The following MAP4K3 variants were observed in gnomAD, a reference collection of about 807,000 sequenced individuals.
The protein encoded by MAP4K3 is mitogen-activated protein kinase kinase kinase kinase 3.
In MAP4K3, 94 loss-of-function variants were observed where a neutral mutation model predicts 143.5. The ratio of observed to expected loss-of-function variants is 0.65; its 90% CI spans 0.55 to 0.78. MAP4K3 has a LOEUF of 0.78. Among genes scored for constraint, MAP4K3 ranks in the 30% least tolerant of loss-of-function variants. The probability of loss-of-function intolerance (pLI) is 0.00; values close to 1 mark genes in which losing one functional copy is unlikely to be tolerated. For missense variants in MAP4K3, 1,077 were observed against 1,068.1 expected (o/e 1.01, Z -0.12); for synonymous variants, 416 against 347.2 (o/e 1.20, Z -2.20).
chr2:39,280,142 TA>T (rs975249120), intron 23 of MAP4K3, 129 bp downstream of exon 23: 2,479 of 481,646 alleles, frequency 5.1e-3, no homozygotes, highest in South Asian at 7.4e-3. Flanking sequence ...TACCTTAAAA[TA>T]AAAAAAAAAT....
rs199936014 is a variant in MAP4K3 at position 39,434,816 on chromosome 2, A to C, written c.96+2076T>G. On this transcript the variant is annotated intron_variant, in intron 1 of 33. Coordinates refer to ENST00000263881, the MANE Select transcript of MAP4K3 (RefSeq NM_003618.4). ...GGTTGCTGTTAGGATTAATTAGAAA[A>C]ATCTTATAGTGCCTGGCAAGTAACA... Among the ~76,000 whole-genome samples the C allele has an allele frequency of 1.1e-4, 16 of 152,368 alleles. 1 individual carries two copies. The East Asian group carries it at 3.1e-3, about 29-fold the overall frequency.
intron 24 of MAP4K3, among the ~76,000 whole-genome samples, chr2:39,275,843 C>A (rs1013454245): frequency 1.3e-5 from 2 of 151,990 alleles, no homozygotes; most frequent in Non-Finnish European, 2.9e-5. Flanking sequence ...ATATATTTTT[C>A]TTTCCATTTT....
chr2:39,267,109 A>G, intron 27 of MAP4K3, 80 bp downstream of exon 27: 1 of 1,307,962 alleles, frequency 7.6e-7, no homozygotes, highest in Non-Finnish European at 1.1e-6. Flanking sequence ...TGCTGGCAGA[A>G]TGCCCTGGGG....
intron 8 of MAP4K3, among the ~76,000 whole-genome samples, chr2:39,330,673 G>T (rs79957511): frequency 0.033 from 4,996 of 152,014 alleles, 117 homozygotes; most frequent in South Asian, 0.055. Context: ...ACAACAACCC[G>T]ACAAAAATCA....
chr2:39,329,345 A>G (rs2148519104), intron 8 of MAP4K3, among the ~76,000 whole-genome samples: 1 of 152,352 alleles, frequency 6.6e-6, no homozygotes, highest in South Asian at 2.1e-4. Flanking sequence ...ATATACACAT[A>G]CCATCTTTGA....
At chr2:39,287,216 T>TA (rs753868893) in intron 20 of MAP4K3, among the ~76,000 whole-genome samples, 3 of 152,142 alleles carry the variant, frequency 2.0e-5, no homozygotes, top group African/African-American at 7.2e-5. Context: ...TTGTTAGCAT[T>TA]AAAAAACCAA....
At chr2:39,396,560 G>A (rs542285105) in intron 1 of MAP4K3, among the ~76,000 whole-genome samples, 410 of 146,414 alleles carry the variant, frequency 2.8e-3, no homozygotes, top group South Asian at 3.1e-3. Flanking sequence ...TGCAAGCTCC[G>A]CCTCCTGGGT....
At position 39,253,192 on chromosome 2, in the gene MAP4K3, C is replaced by T. The variant is rs922507506; in HGVS notation, c.2541+1258G>A. 3.9e-5 allele frequency among the ~76,000 whole-genome samples: 6 copies of T among 152,102 alleles called. No homozygotes were observed. The East Asian group carries it at 5.8e-4, about 15-fold the overall frequency. On this transcript the variant is annotated intron_variant, in intron 32 of 33. Transcript: ENST00000263881. ...CTGTCGCCAGGCTGGAGTACAGTGA[C>T]GCGATCTTGGCTCACTGGAACCTCC...
At chr2:39,431,830 G>A (rs890910364) in intron 1 of MAP4K3, among the ~76,000 whole-genome samples, 1 of 152,154 alleles carries the variant, frequency 6.6e-6, no homozygotes, top group Non-Finnish European at 1.5e-5. Context: ...TACAGCTGAG[G>A]AAACTGAGAC....
At chr2:39,347,180 C>T (rs901934741) in intron 3 of MAP4K3, among the ~76,000 whole-genome samples, 4 of 152,024 alleles carry the variant, frequency 2.6e-5, no homozygotes, top group Admixed American at 1.3e-4. Context: ...GGAATACGAG[C>T]TTATGTTGTA....
intron 2 of MAP4K3, among the ~76,000 whole-genome samples, chr2:39,369,342 C>T (rs1228972474): frequency 7.9e-5 from 12 of 151,686 alleles, no homozygotes; most frequent in Non-Finnish European, 7.4e-5. Context: ...AATACAGGTG[C>T]GAGCCACCAA....
Position 39,350,892 on chromosome 2 carries a change from C to T in MAP4K3, c.245+5357G>A, listed in dbSNP as rs567839975. ...GGCCCTCTGGAGGCCACAGGTCCAG[C>T]ACCTGTGGGGTTCAACCAATCGCAG... On this transcript the variant is annotated intron_variant, in intron 3 of 33. Transcript: ENST00000263881. Among the ~76,000 whole-genome samples the T allele has an allele frequency of 3.3e-5, 5 of 152,266 alleles. No homozygotes were observed. The East Asian group carries it at 9.7e-4, about 29-fold the overall frequency.
intron 1 of MAP4K3, among the ~76,000 whole-genome samples, chr2:39,393,293 G>A (rs908452853): frequency 4.6e-5 from 7 of 152,168 alleles, no homozygotes; most frequent in Admixed American, 3.9e-4. Context: ...ACAGCTGATG[G>A]TAGTCCAGAT....
chr2:39,358,668 G>C (rs1665679597), intron 2 of MAP4K3, among the ~76,000 whole-genome samples: 1 of 152,010 alleles, frequency 6.6e-6, no homozygotes, highest in South Asian at 2.1e-4. Context: ...CCACATACTC[G>C]ATTTTTAAAG....
At chr2:39,335,206 A>G (rs1683827601) in intron 6 of MAP4K3, among the ~76,000 whole-genome samples, 1 of 152,200 alleles carries the variant, frequency 6.6e-6, no homozygotes. Context: ...TATACTGAGT[A>G]CAATGGGAAA....
intron 3 of MAP4K3, among the ~76,000 whole-genome samples, chr2:39,345,259 T>C (rs1032944156): frequency 6.8e-6 from 1 of 147,710 alleles, no homozygotes; most frequent in Admixed American, 6.8e-5. Flanking sequence ...ATACCTGTAG[T>C]CTCACCTACT....
chr2:39,325,943 T>C lies in MAP4K3; in HGVS notation c.681A>G (p.Thr227=), dbSNP rs777714500. The change falls in exon 10 of 34, where the codon ACA becomes ACG. Residue 227 remains threonine (T), a synonymous_variant. Transcript: ENST00000263881. ...GTTTAGGAGGCTGAAAATTGCTTTT[T>C]GTCATTAGAAATAATGCTCTGAAAA... The part of the protein sequence containing the change: ...LHPMRALFLM[T]KSNFQPPKLK... 1.9e-6 allele frequency: 3 copies of C among 1,595,254 alleles called. No individual in the cohort carries two copies. The highest frequency in any genetic ancestry group is 1.7e-5 in the Admixed American group (1 of 59,006).
chr2:39,331,841 A>T, intron 8 of MAP4K3, 76 bp downstream of exon 8: 1 of 955,498 alleles, frequency 1.0e-6, no homozygotes, highest in Non-Finnish European at 1.5e-6. Flanking sequence ...AAAAATTCTG[A>T]CCAGTCTATT....
intron 15 of MAP4K3, among the ~76,000 whole-genome samples, chr2:39,307,537 A>G (rs1227681435): frequency 1.3e-5 from 2 of 151,712 alleles, no homozygotes; most frequent in Non-Finnish European, 2.9e-5. Flanking sequence ...TTATATATGT[A>G]ATGCATATGA....
Sources: gnomAD v4.1 joint callset for allele counts (sites outside exome capture counted in the v4.1 genomes callset) on GRCh38, gnomAD v4.1.1 for gene constraint, MANE v1.5 for transcripts, NCBI Gene and HGNC (gene_info 2026-07-23, HGNC 2026-07-21) for gene names.